The following FYB1 variants were observed in gnomAD, a reference collection of about 807,000 sequenced individuals.
FYB1 encodes FYN-binding protein 1.
FYB1 carries 41 observed loss-of-function variants against 94.1 expected under a neutral mutation model. The ratio of observed to expected loss-of-function variants is 0.44; its 90% CI spans 0.34 to 0.57. The LOEUF is 0.57. Among genes scored for constraint, FYB1 ranks in the 20% least tolerant of loss-of-function variants. The pLI is 0.02. For synonymous variants in FYB1, 367 were observed against 353.2 expected, an observed-to-expected ratio of 1.04 and a Z score of -0.44; for missense variants, 1,050 against 976.8, an observed-to-expected ratio of 1.07 and a Z score of -1.00.
At chr5:39,239,285 C>T (rs539835322) in intron 1 of FYB1, among the ~76,000 whole-genome samples, 1 of 152,172 alleles carries the variant, frequency 6.6e-6, no homozygotes, top group South Asian at 2.1e-4. Context: ...CACTCCTATT[C>T]AACATAGTAC....
intron 1 of FYB1, among the ~76,000 whole-genome samples, chr5:39,263,535 C>T (rs1363792896): frequency 4.0e-5 from 6 of 151,700 alleles, no homozygotes; most frequent in Non-Finnish European, 5.9e-5. Context: ...CACAGCTTAC[C>T]TAAAAGAAAA....
intron 1 of FYB1, among the ~76,000 whole-genome samples, chr5:39,233,161 T>C (rs903308491): frequency 6.6e-6 from 1 of 151,758 alleles, no homozygotes. Context: ...CCATAAACAT[T>C]TCATTTTAAA....
At chr5:39,239,468 G>T (rs1751111370) in intron 1 of FYB1, among the ~76,000 whole-genome samples, 1 of 152,078 alleles carries the variant, frequency 6.6e-6, no homozygotes, top group South Asian at 2.1e-4. Flanking sequence ...GCAGTTTCAG[G>T]ATACAAAATC....
At chr5:39,111,545 G>A (rs1322647732) in intron 16 of FYB1, among the ~76,000 whole-genome samples, 1 of 151,532 alleles carries the variant, frequency 6.6e-6, no homozygotes, top group Non-Finnish European at 1.5e-5. Context: ...TTAAGAAAAT[G>A]AACTTTCCCT....
chr5:39,162,354 A>G (rs944077504), intron 2 of FYB1, among the ~76,000 whole-genome samples: 1 of 152,182 alleles, frequency 6.6e-6, no homozygotes, highest in African/African-American at 2.4e-5. Context: ...ATAAATTCCT[A>G]GAAAGTGAAA....
rs761809629 is a variant in FYB1, at chr5:39,153,601, G to T, written c.1139C>A (p.Thr380Asn). 2 of 1,607,776 alleles carry T rather than the reference G, an allele frequency of 1.2e-6. No individual in the cohort carries two copies. The highest frequency in any genetic ancestry group is 1.7e-6 in the Non-Finnish European group (2 of 1,177,700). Residue 380 changes from threonine to asparagine, a missense_variant, in exon 3 of 19, where the codon ACT becomes AAT. Coordinates refer to ENST00000512982, the MANE Select transcript of FYB1 (RefSeq NM_001465.6). ...KFHKTSSGNS[T>N]SKGQTSYSTT... ...TGAGTAAGACGTCTGGCCTTTGCTAGTACCTAAGAAGCAAAGCAAACAATA... is the reference window on the plus strand; with the variant it reads ...TGAGTAAGACGTCTGGCCTTTGCTATTACCTAAGAAGCAAAGCAAACAATA...
intron 1 of FYB1, among the ~76,000 whole-genome samples, chr5:39,211,986 A>G (rs1749437557): frequency 6.6e-6 from 1 of 152,196 alleles, no homozygotes; most frequent in African/African-American, 2.4e-5. Context: ...AAGAAGAGGA[A>G]GAACTCAACG....
At chr5:39,241,603 C>T (rs1751208539) in intron 1 of FYB1, among the ~76,000 whole-genome samples, 1 of 152,084 alleles carries the variant, frequency 6.6e-6, no homozygotes, top group Admixed American at 6.6e-5. Context: ...AGGGCACTAC[C>T]CTATTTCCTT....
rs568182078 is a variant in FYB1 at position 39,244,990 on chromosome 5, C to G, written c.-28+29413G>C. Among the ~76,000 whole-genome samples the G allele has an allele frequency of 3.3e-5, 5 of 151,988 alleles. No homozygotes were observed. In the East Asian group the frequency reaches 9.7e-4, roughly 29 times the overall value. On this transcript the variant is annotated intron_variant, in intron 1 of 1. Transcript: ENST00000510188. ...TTCTGTGGGATCGGTGGTGATATCC[C>G]CTTTATCATTTTTTATTGTTTCTAT... is the stretch of plus-strand genomic sequence containing the variant.
At chr5:39,169,525 T>C in intron 2 of FYB1, 1 of 569,970 alleles carries the variant, frequency 1.8e-6, no homozygotes, top group South Asian at 1.5e-5. Flanking sequence ...GCAGAGTCCA[T>C]CTGCTGTTTG....
chr5:39,162,785 C>T (rs1287443363), intron 2 of FYB1, among the ~76,000 whole-genome samples: 1 of 151,604 alleles, frequency 6.6e-6, no homozygotes. Context: ...TGTATATTAT[C>T]ACACATTTTT....
At chr5:39,199,424 C>T (rs185814596) in intron 2 of FYB1, among the ~76,000 whole-genome samples, 13 of 152,038 alleles carry the variant, frequency 8.6e-5, no homozygotes, top group Non-Finnish European at 8.8e-5. Context: ...GACACATACA[C>T]GAGTTTATTT....
intron 2 of FYB1, among the ~76,000 whole-genome samples, chr5:39,191,542 C>T (rs781365008): frequency 3.9e-5 from 6 of 152,110 alleles, no homozygotes; most frequent in Non-Finnish European, 8.8e-5. Flanking sequence ...ATATCTATTG[C>T]TATTGAGTGT....
intron 9 of FYB1, among the ~76,000 whole-genome samples, chr5:39,130,959 G>T (rs1358399789): frequency 6.6e-6 from 1 of 151,970 alleles, no homozygotes; most frequent in Admixed American, 6.6e-5. Flanking sequence ...AGCCCCAAGG[G>T]TATTATTATT....
intron 2 of FYB1, among the ~76,000 whole-genome samples, chr5:39,156,994 A>AT (rs1047260394): frequency 3.9e-5 from 6 of 152,260 alleles, no homozygotes; most frequent in Admixed American, 2.0e-4. Context: ...TAATCATGCA[A>AT]TTTTTGGCAA....
At chr5:39,241,177 G>C (rs763206941) in intron 1 of FYB1, among the ~76,000 whole-genome samples, 1 of 152,166 alleles carries the variant, frequency 6.6e-6, no homozygotes, top group African/African-American at 2.4e-5. Flanking sequence ...GGAGCTTAGA[G>C]GATAGAGAGG....
At chr5:39,185,936 G>C (rs988245097) in intron 2 of FYB1, among the ~76,000 whole-genome samples, 1 of 152,188 alleles carries the variant, frequency 6.6e-6, no homozygotes, top group South Asian at 2.1e-4. Context: ...TGAGAACTAC[G>C]AGTGAGCCCT....
At chr5:39,213,662 G>C (rs1056283148) in intron 1 of FYB1, among the ~76,000 whole-genome samples, 1 of 152,188 alleles carries the variant, frequency 6.6e-6, no homozygotes, top group African/African-American at 2.4e-5. Context: ...TTTAGTCTCT[G>C]TGTGTGTGTT....
intron 2 of FYB1, chr5:39,170,420 C>T: frequency 2.1e-6 from 1 of 477,130 alleles, no homozygotes; most frequent in Non-Finnish European, 3.8e-6. Flanking sequence ...GCCGGACCCC[C>T]TCAGCAGCAG....
Sources: gnomAD v4.1 joint callset for allele counts (sites outside exome capture counted in the v4.1 genomes callset) on GRCh38, gnomAD v4.1.1 for gene constraint, MANE v1.5 for transcripts, NCBI Gene and HGNC (gene_info 2026-07-23, HGNC 2026-07-21) for gene names.